The following DDX55 variants were observed in gnomAD, a reference collection of about 807,000 sequenced individuals.
DDX55 encodes ATP-dependent RNA helicase DDX55.
In DDX55, 56 loss-of-function variants were observed where a neutral mutation model predicts 69.2. The observed-to-expected ratio is 0.81, with a 90% CI of 0.65 to 1.01. The LOEUF (loss-of-function observed/expected upper bound fraction) is 1.01, where lower values mean the gene tolerates loss of function less well. Among genes scored for constraint, DDX55 ranks in the 50% least tolerant of loss-of-function variants. The pLI is 0.00. For synonymous variants in DDX55, 268 were observed against 273.1 expected, an observed-to-expected ratio of 0.98 and a Z score of 0.18; for missense variants, 720 against 745.1, an observed-to-expected ratio of 0.97 and a Z score of 0.39.
rs1954996109 is a variant in DDX55, at chr12:123,619,609, G to T, written c.1511G>T (p.Arg504Ile). 1 of 1,611,990 alleles carries T rather than the reference G, an allele frequency of 6.2e-7. No individual in the cohort carries two copies. Among genetic ancestry groups the T allele is most frequent in the South Asian group, 1.1e-5 (1 of 90,796 alleles). Residue 504 changes from arginine (R) to isoleucine (I), a missense_variant, in exon 13 of 14, where the codon AGA becomes ATA. Physicochemically the swap from Arg to Ile is moderately conservative, Grantham distance 97. Transcript: ENST00000238146. ...CAGAAACTCCTGGAGCAACAAAGAA[G>T]AGAGAAAACAGAAAATGAAGGGAGA... ...QRQKLLEQQR[R>I]EKTENEGRRK...
At chr12:123,609,619 C>T (rs552294799) in intron 6 of DDX55, among the ~76,000 whole-genome samples, 24 of 151,940 alleles carry the variant, frequency 1.6e-4, no homozygotes, top group Non-Finnish European at 2.5e-4. Flanking sequence ...GAGATCTTCC[C>T]ATCCCAGTCT....
intron 5 of DDX55, 164 bp from the exon 6 acceptor site, chr12:123,608,516 C>T (rs1827366728): frequency 2.5e-6 from 2 of 795,562 alleles, no homozygotes; most frequent in South Asian, 2.1e-5. Flanking sequence ...TCACCACAGC[C>T]CTCAGTCTTT....
chr12:123,610,226 C>A, intron 7 of DDX55, 98 bp downstream of exon 7: 2 of 1,418,062 alleles, frequency 1.4e-6, no homozygotes, highest in Middle Eastern at 2.0e-4. Flanking sequence ...CCTGTAGCAC[C>A]TATGAAATGC....
intron 10 of DDX55, 154 bp downstream of exon 10, chr12:123,616,757 C>T (rs983739531): frequency 1.7e-5 from 13 of 747,160 alleles, no homozygotes; most frequent in South Asian, 7.8e-5. Flanking sequence ...TGGATTCCTA[C>T]AGGGCTTGCC....
intron 9 of DDX55, 91 bp downstream of exon 9, chr12:123,615,407 C>T (rs748740921): frequency 8.5e-6 from 13 of 1,527,398 alleles, no homozygotes; most frequent in African/African-American, 2.7e-5. Flanking sequence ...CTGTGCTGTC[C>T]GCATGTGTTG....
In DDX55 at chr12:123,613,112, C is replaced by T. The variant is rs181740577; in HGVS notation, c.742-58C>T. On this transcript the variant is annotated intron_variant, in intron 7 of 13. Transcript: ENST00000238146. ...AATTTAATGCTGAAACTGAAAATAGCCATGGGGATTATTATTGCCAAATAT... is the reference window on the plus strand; with the variant it reads ...AATTTAATGCTGAAACTGAAAATAGTCATGGGGATTATTATTGCCAAATAT... 325 of 1,553,306 alleles carry T rather than the reference C, an allele frequency of 2.1e-4. 2 individuals are homozygous for T. In the Admixed American group the frequency reaches 3.5e-3, roughly 16 times the overall value.
chr12:123,602,187 T>G lies in DDX55; in HGVS notation c.39T>G (p.Pro13=). The change falls in exon 1 of 14, where the codon CCT becomes CCG. Residue 13 remains proline, a synonymous_variant. Coordinates refer to ENST00000238146, the MANE Select transcript of DDX55 (RefSeq NM_020936.3). ...CAGAGGGCTCCTGGGAGTCGCTGCC[T>G]GTGCCGCTGCACCCGCAGGTGCTGG... The part of the protein sequence containing the change: ...HVTEGSWESL[P]VPLHPQVLGA... The G allele has an allele frequency of 6.4e-7, 1 of 1,569,826 alleles. No individual in the cohort carries two copies. Among genetic ancestry groups the G allele is most frequent in the Non-Finnish European group, 8.6e-7 (1 of 1,159,606 alleles).
At position 123,605,987 on chromosome 12, in the gene DDX55, T is replaced by C. The variant is rs540845812; in HGVS notation, c.159+6T>C. 6.2e-7 allele frequency: 1 copy of C among 1,614,106 alleles called. No individual in the cohort carries two copies. Among genetic ancestry groups the C allele is most frequent in the South Asian group, 1.1e-5 (1 of 91,080 alleles). Reference sequence around the variant, plus strand: ...AAGATGTCGCTGCAGAAGCGGTGAGTGCCTCGGGTATGTGCAGCCTGTCCT... The same window carrying C: ...AAGATGTCGCTGCAGAAGCGGTGAGCGCCTCGGGTATGTGCAGCCTGTCCT... On this transcript the variant is annotated splice_donor_region_variant and intron_variant, in intron 2 of 13. Transcript: ENST00000238146.
chr12:123,619,310 T>C, intron 12 of DDX55, 122 bp from the exon 13 acceptor site: 3 of 1,439,848 alleles, frequency 2.1e-6, no homozygotes, highest in Non-Finnish European at 2.7e-6. Flanking sequence ...GCCTCAATTA[T>C]TTTCATTCTA....
In DDX55 at chr12:123,613,935, T is replaced by C. The variant is rs185952736; in HGVS notation, c.824+683T>C. ...TGTTCTTTGGACTGGTTGGTTCTTTTCCCCTTTTCTCCAGAGATAAATGTG... is the reference window on the plus strand; with the variant it reads ...TGTTCTTTGGACTGGTTGGTTCTTTCCCCCTTTTCTCCAGAGATAAATGTG... On this transcript the variant is annotated intron_variant, in intron 8 of 13. Coordinates refer to ENST00000238146, the MANE Select transcript of DDX55 (RefSeq NM_020936.3). 2.0e-5 allele frequency among the ~76,000 whole-genome samples: 3 copies of C among 152,230 alleles called. No homozygotes were observed. The East Asian group carries it at 5.8e-4, about 29-fold the overall frequency.
intron 7 of DDX55, among the ~76,000 whole-genome samples, chr12:123,612,487 G>T (rs1483342676): frequency 6.6e-6 from 1 of 152,142 alleles, no homozygotes; most frequent in Non-Finnish European, 1.5e-5. Flanking sequence ...AAAGCAGTGG[G>T]GTCTGCGTCC....
intron 1 of DDX55, among the ~76,000 whole-genome samples, chr12:123,604,303 G>A (rs1327883816): frequency 6.6e-6 from 1 of 151,906 alleles, no homozygotes; most frequent in Non-Finnish European, 1.5e-5. Flanking sequence ...AGCACTTTTG[G>A]AGACCAAGGT....
rs1954564523 is a variant in DDX55, at chr12:123,615,209, T to C, written c.849T>C (p.Tyr283=). 4 of 1,614,016 alleles carry C rather than the reference T, an allele frequency of 2.5e-6. No individual in the cohort carries two copies. Among genetic ancestry groups the C allele is most frequent in the African/African-American group, 1.3e-5 (1 of 74,932 alleles). The change falls in exon 9 of 14, where the codon TAT becomes TAC. Residue 283 remains tyrosine, a synonymous_variant. Coordinates refer to ENST00000238146, the MANE Select transcript of DDX55 (RefSeq NM_020936.3). ...FFSTCACVEY[Y]GKALEVLVKG... is the part of the protein sequence containing the mutation. ...GCACCTGTGCCTGTGTGGAATACTA[T>C]GGGAAGGCTCTGGAAGTGCTGGTGA...
At chr12:123,616,155 G>A (rs1030325857) in intron 9 of DDX55, among the ~76,000 whole-genome samples, 7 of 152,146 alleles carry the variant, frequency 4.6e-5, no homozygotes, top group African/African-American at 1.7e-4. Context: ...TATATTAAAA[G>A]TCTTCTTTTG....
intron 3 of DDX55, among the ~76,000 whole-genome samples, 187 bp downstream of exon 3, chr12:123,606,346 C>T (rs1293682931): frequency 6.6e-6 from 1 of 151,918 alleles, no homozygotes; most frequent in Non-Finnish European, 1.5e-5. Context: ...CTGGGCAACA[C>T]AGTGAGACTT....
At position 123,615,170 on chromosome 12, in the gene DDX55, C is replaced by G; in HGVS notation, c.825-15C>G. The stretch of plus-strand genomic sequence containing the variant: ...AAAGTGGCCAATGACTCTAAGCCCT[C>G]TGTCCCTCTTGCAGCACCTGTGCCT... On this transcript the variant is annotated splice_polypyrimidine_tract_variant and intron_variant, in intron 8 of 13. Coordinates refer to ENST00000238146, the MANE Select transcript of DDX55 (RefSeq NM_020936.3). The G allele has an allele frequency of 1.2e-6, 2 of 1,613,840 alleles. No individual in the cohort carries two copies. Among genetic ancestry groups the G allele is most frequent in the Non-Finnish European group, 1.7e-6 (2 of 1,179,774 alleles).
intron 6 of DDX55, among the ~76,000 whole-genome samples, 154 bp from the exon 7 acceptor site, chr12:123,609,785 G>A (rs1259591652): frequency 2.0e-5 from 3 of 152,262 alleles, no homozygotes; most frequent in Admixed American, 6.5e-5. Context: ...AAGAAACAAA[G>A]AATCACCTAT....
chr12:123,615,617 C>G (rs138900564), intron 9 of DDX55, among the ~76,000 whole-genome samples: 1 of 152,150 alleles, frequency 6.6e-6, no homozygotes, highest in Admixed American at 6.5e-5. Flanking sequence ...GCCCTGTGCC[C>G]GGTCCAGGGA....
intron 12 of DDX55, among the ~76,000 whole-genome samples, chr12:123,619,128 G>A (rs567459321): frequency 5.9e-5 from 9 of 152,314 alleles, no homozygotes; most frequent in Admixed American, 2.0e-4. Flanking sequence ...TCAGCCTCCC[G>A]AGTAGCTGGG....
Sources: gnomAD v4.1 joint callset for allele counts (sites outside exome capture counted in the v4.1 genomes callset) on GRCh38, gnomAD v4.1.1 for gene constraint, MANE v1.5 for transcripts, NCBI Gene and HGNC (gene_info 2026-07-23, HGNC 2026-07-21) for gene names.